SDK1: variants seen among roughly 807,000 people sequenced by gnomAD.
SDK1 encodes the protein protein sidekick-1.
SDK1 carries 157 observed loss-of-function variants against 245.5 expected under a neutral mutation model. That is an observed-to-expected ratio of 0.64 (90% CI 0.56 to 0.73). SDK1 has a LOEUF of 0.73. Ranked by LOEUF, SDK1 falls within the 30% of genes least tolerant of loss-of-function variation. SDK1 has a pLI of 0.00. For synonymous variants in SDK1, 1,647 were observed against 1,278.5 expected (o/e 1.29, Z -6.15); for missense variants, 3,583 against 3,002.3 (o/e 1.19, Z -4.52).
In SDK1 at chr7:3,671,932, C is replaced by G. The variant is rs371145280; in HGVS notation, c.713+29827C>G. ...TGTGTTTATAATGTGGAGGAATCAG[C>G]TGAACTTGACTTATCCCTTTACAAC... On this transcript the variant is annotated intron_variant, in intron 4 of 44. Transcript: ENST00000404826. Among the ~76,000 whole-genome samples the G allele has an allele frequency of 1.5e-3, 236 of 152,278 alleles. 1 individual carries two copies. Among genetic ancestry groups the G allele is most frequent in the African/African-American group, 5.5e-3 (230 of 41,552 alleles).
At chr7:3,662,463 C>A (rs1472712075) in intron 4 of SDK1, among the ~76,000 whole-genome samples, 1 of 152,112 alleles carries the variant, frequency 6.6e-6, no homozygotes, top group African/African-American at 2.4e-5. Context: ...AGACAACTCT[C>A]CTAGATTCTG....
At chr7:4,090,634 C>T (rs1781728047) in intron 22 of SDK1, among the ~76,000 whole-genome samples, 1 of 152,112 alleles carries the variant, frequency 6.6e-6, no homozygotes, top group African/African-American at 2.4e-5. Flanking sequence ...CAAGATGTTC[C>T]CAACTCATCT....
chr7:3,591,674 C>T (rs778602273), intron 1 of SDK1, among the ~76,000 whole-genome samples: 1 of 152,222 alleles, frequency 6.6e-6, no homozygotes, highest in African/African-American at 2.4e-5. Context: ...TTAATGATCA[C>T]TGTGGGCCCA....
chr7:3,438,810 C>G (rs555135128), intron 1 of SDK1, among the ~76,000 whole-genome samples: 34 of 150,386 alleles, frequency 2.3e-4, no homozygotes, highest in African/African-American at 8.3e-4. Flanking sequence ...TAAGTTCCAT[C>G]ATTGGCAGCA....
chr7:3,990,859 T>C (rs1382586504), intron 14 of SDK1, among the ~76,000 whole-genome samples: 2 of 152,192 alleles, frequency 1.3e-5, no homozygotes, highest in South Asian at 2.1e-4. Flanking sequence ...TGGCCAGCGC[T>C]CTTCTCAGCT....
chr7:4,248,663 TAAC>T (rs1409248211), intron 44 of SDK1, among the ~76,000 whole-genome samples: 2 of 150,910 alleles, frequency 1.3e-5, no homozygotes, highest in African/African-American at 4.9e-5. Flanking sequence ...CATGTACAAA[TAAC>T]TACACACCTG....
rs1210748833 is a variant in SDK1, at chr7:3,511,580, C to G, written c.299-107500C>G. Among the ~76,000 whole-genome samples the G allele has an allele frequency of 3.3e-5, 5 of 151,874 alleles. No homozygotes were observed. In the East Asian group the frequency reaches 9.6e-4, roughly 29 times the overall value. On this transcript the variant is annotated intron_variant, in intron 1 of 44. Coordinates refer to ENST00000404826, the MANE Select transcript of SDK1 (RefSeq NM_152744.4). ...ATGTTTGTTTAGCAGTTATTCCTGT[C>G]TTCTTAACATTGTTGATCTTTCTAA...
At position 4,114,057 on chromosome 7, in the gene SDK1, C is replaced by T. The variant is rs1562830139; in HGVS notation, c.3606C>T (p.Tyr1202=). ...CCTAGCCCCTGCCGGATTCTCAGTA[C>T]AACGGGAACCCCGAGTCCGTGGGCT... The part of the protein sequence containing the change: ...LRWVPLPDSQ[Y]NGNPESVGYR... The change falls in exon 25 of 45, where the codon TAC becomes TAT. Residue 1202 remains tyrosine (Y), a synonymous_variant. Transcript: ENST00000404826. The T allele has an allele frequency of 6.2e-7, 1 of 1,614,178 alleles. No individual in the cohort carries two copies. The highest frequency in any genetic ancestry group is 8.5e-7 in the Non-Finnish European group (1 of 1,180,024).
At chr7:3,483,780 G>A (rs1781591282) in intron 1 of SDK1, among the ~76,000 whole-genome samples, 1 of 152,106 alleles carries the variant, frequency 6.6e-6, no homozygotes, top group Non-Finnish European at 1.5e-5. Context: ...ATAGTTACAT[G>A]ATGTTTCTCC....
intron 5 of SDK1, among the ~76,000 whole-genome samples, chr7:3,854,938 C>T (rs1780508051): frequency 6.6e-6 from 1 of 152,074 alleles, no homozygotes; most frequent in African/African-American, 2.4e-5. Context: ...GCAGGGTGGA[C>T]CCAGGTGCAC....
intron 1 of SDK1, among the ~76,000 whole-genome samples, chr7:3,319,524 G>A (rs1779742047): frequency 6.6e-6 from 1 of 152,076 alleles, no homozygotes; most frequent in African/African-American, 2.4e-5. Context: ...AAGAGTACAT[G>A]CTCTGGCTTC....
chr7:3,477,765 C>G (rs1227447772), intron 1 of SDK1, among the ~76,000 whole-genome samples: 7 of 152,124 alleles, frequency 4.6e-5, no homozygotes, highest in African/African-American at 1.2e-4. Context: ...CCTCCCACCT[C>G]AGACTCCCAA....
chr7:3,623,449 C>T (rs1327005114), intron 2 of SDK1, among the ~76,000 whole-genome samples: 1 of 151,994 alleles, frequency 6.6e-6, no homozygotes, highest in Non-Finnish European at 1.5e-5. Flanking sequence ...CCATGATGGC[C>T]AGGCTGGTCT....
At chr7:3,760,268 G>A (rs960254630) in intron 4 of SDK1, among the ~76,000 whole-genome samples, 16 of 152,266 alleles carry the variant, frequency 1.1e-4, no homozygotes, top group Non-Finnish European at 1.6e-4. Flanking sequence ...CAGGTTGTCC[G>A]TCATGGTATT....
At chr7:4,216,922 G>C (rs1362334077) in intron 38 of SDK1, among the ~76,000 whole-genome samples, 2 of 152,244 alleles carry the variant, frequency 1.3e-5, no homozygotes, top group African/African-American at 2.4e-5. Flanking sequence ...CGTCACTCTA[G>C]GGAACACTCC....
intron 30 of SDK1, among the ~76,000 whole-genome samples, chr7:4,156,173 A>G (rs1780721227): frequency 6.6e-6 from 1 of 152,122 alleles, no homozygotes; most frequent in African/African-American, 2.4e-5. Flanking sequence ...TGGGGTCCAC[A>G]TTCCTGATGC....
rs553180448 is a variant in SDK1, at chr7:3,804,405, C to T, written c.714-17045C>T. 1.8e-4 allele frequency among the ~76,000 whole-genome samples: 28 copies of T among 152,186 alleles called. No individual in the cohort carries two copies. The South Asian group carries it at 5.2e-3, about 28-fold the overall frequency. On this transcript the variant is annotated intron_variant, in intron 4 of 44. Transcript: ENST00000404826. The stretch of plus-strand genomic sequence containing the variant: ...AAAAAATCTTTTGGCCCTACTGTTA[C>T]GGGTCTCTTTCTGAGTTCTTTATTT...
At chr7:3,798,783 G>A (rs554722460) in intron 4 of SDK1, among the ~76,000 whole-genome samples, 2 of 152,308 alleles carry the variant, frequency 1.3e-5, no homozygotes, top group South Asian at 4.1e-4. Context: ...CCTCCTACTA[G>A]AAGGAGAAGT....
At chr7:3,739,868 T>C (rs1288772226) in intron 4 of SDK1, among the ~76,000 whole-genome samples, 1 of 152,208 alleles carries the variant, frequency 6.6e-6, no homozygotes, top group Non-Finnish European at 1.5e-5. Context: ...TTGAATGATA[T>C]AATATGGCAA....
Sources: allele counts gnomAD v4.1 joint callset (sites outside exome capture counted in the v4.1 genomes callset), GRCh38; gene constraint gnomAD v4.1.1; transcripts MANE v1.5; gene names NCBI Gene and HGNC (gene_info 2026-07-23, HGNC 2026-07-21).